FAR1: variants seen among roughly 807,000 people sequenced by gnomAD.
FAR1 encodes fatty acyl-CoA reductase 1.
Under a neutral mutation model 61.1 loss-of-function variants are expected in FAR1, and 22 were observed. The ratio of observed to expected loss-of-function variants is 0.36; its 90% CI spans 0.26 to 0.51. The LOEUF (loss-of-function observed/expected upper bound fraction) is 0.51. Among genes scored for constraint, FAR1 ranks in the 20% least tolerant of loss-of-function variants. The pLI is 0.95. For synonymous variants in FAR1, 206 were observed against 209.7 expected (o/e 0.98, Z 0.15); for missense variants, 359 against 626.9 (o/e 0.57, Z 4.56).
At chr11:13,727,730 A>C in intron 11 of FAR1, 47 bp downstream of exon 11, 2 of 1,532,834 alleles carry the variant, frequency 1.3e-6, no homozygotes, top group Non-Finnish European at 1.8e-6. Flanking sequence ...TCCTTATGAA[A>C]TATTCCACAA....
At position 13,694,962 on chromosome 11, in the gene FAR1, T is replaced by C. The variant is rs573784971; in HGVS notation, c.189+8T>C. ...GAAGTCCTTAGTGGCAAGGTAAGTATGGAAAATGAGCACTCAGAACAAAGA... is the reference window on the plus strand; with the variant it reads ...GAAGTCCTTAGTGGCAAGGTAAGTACGGAAAATGAGCACTCAGAACAAAGA... On this transcript the variant is annotated splice_region_variant and intron_variant, in intron 2 of 11. Transcript: ENST00000354817. 22 of 1,599,132 alleles carry C rather than the reference T, an allele frequency of 1.4e-5. No individual in the cohort carries two copies. The South Asian group carries it at 1.7e-4, about 12-fold the overall frequency.
intron 1 of FAR1, among the ~76,000 whole-genome samples, chr11:13,694,050 C>G (rs574479485): frequency 3.3e-5 from 5 of 152,202 alleles, no homozygotes; most frequent in Admixed American, 2.0e-4. Flanking sequence ...TGTGTTAGAG[C>G]TTTTTGTAGT....
intron 7 of FAR1, 150 bp downstream of exon 7, chr11:13,712,196 T>C (rs1848506743): frequency 1.7e-6 from 1 of 600,838 alleles, no homozygotes; most frequent in African/African-American, 1.9e-5. Context: ...GTTGGTATTA[T>C]CACAGACAAT....
chr11:13,675,053 C>CTTTT (rs10649288), intron 1 of FAR1, among the ~76,000 whole-genome samples: 7 of 144,130 alleles, frequency 4.9e-5, no homozygotes, highest in Admixed American at 1.4e-4. Flanking sequence ...AATCCCTAGA[C>CTTTT]TTTTTTTTTT....
At chr11:13,712,209 C>T (rs1848506845) in intron 7 of FAR1, among the ~76,000 whole-genome samples, 163 bp downstream of exon 7, 1 of 151,460 alleles carries the variant, frequency 6.6e-6, no homozygotes, top group Admixed American at 6.6e-5. Flanking sequence ...CAGACAATAG[C>T]AAGTGCTCCC....
intron 9 of FAR1, among the ~76,000 whole-genome samples, chr11:13,719,420 T>C (rs914920204): frequency 6.6e-6 from 1 of 152,224 alleles, no homozygotes; most frequent in African/African-American, 2.4e-5. Context: ...AGCACAGTAA[T>C]AGACTTTACA....
At chr11:13,710,051 G>T (rs1264801544) in intron 4 of FAR1, among the ~76,000 whole-genome samples, 1 of 152,020 alleles carries the variant, frequency 6.6e-6, no homozygotes, top group Non-Finnish European at 1.5e-5. Context: ...TTTATAGCAT[G>T]CTTCAATTTA....
chr11:13,729,033 G>C lies in FAR1; in HGVS notation c.*259G>C, dbSNP rs1848694171. 6 of 311,292 alleles carry C rather than the reference G, an allele frequency of 1.9e-5. No individual in the cohort carries two copies. In the South Asian group the frequency reaches 2.9e-4, roughly 15 times the overall value. 19.3% of individuals were successfully genotyped at this position (311,292 alleles called of 1,614,324 possible). A position where few individuals can be genotyped will look rare whatever the true frequency, so the allele number is the denominator to read the frequency against. On this transcript the variant is annotated 3_prime_UTR_variant, in exon 12 of 12. Transcript: ENST00000354817. ...ATATTTTGAGCCCTAGAAGAAAGGG[G>C]TGTGCTGAGGACAAGAGTGGGGAAA... is the stretch of plus-strand genomic sequence containing the variant.
Position 13,727,653 on chromosome 11 carries a change from G to A in FAR1, c.1355G>A (p.Gly452Asp). The A allele has an allele frequency of 1.9e-6, 3 of 1,609,318 alleles. No homozygotes were observed. Among genetic ancestry groups the A allele is most frequent in the Non-Finnish European group, 2.5e-6 (3 of 1,177,230 alleles). The part of the protein sequence containing the change: ...KKYVLNEEMS[G>D]LPAARKHLNK... ...TACGTATTGAATGAAGAAATGTCTGGCCTCCCTGCAGCCAGAAAACATCTG... is the reference window on the plus strand; with the variant it reads ...TACGTATTGAATGAAGAAATGTCTGACCTCCCTGCAGCCAGAAAACATCTG... The change falls in exon 11 of 12, where the codon GGC (glycine) becomes GAC (aspartate). Residue 452 changes from glycine to aspartate, a missense_variant. Coordinates refer to ENST00000354817, the MANE Select transcript of FAR1 (RefSeq NM_032228.6).
chr11:13,696,955 C>T (rs1848313379), intron 2 of FAR1, among the ~76,000 whole-genome samples: 1 of 152,188 alleles, frequency 6.6e-6, no homozygotes, highest in African/African-American at 2.4e-5. Flanking sequence ...ACATTTTGGG[C>T]TGGCTAGTTC....
intron 1 of FAR1, among the ~76,000 whole-genome samples, chr11:13,687,678 T>A (rs1390024490): frequency 1.2e-4 from 18 of 152,170 alleles, no homozygotes; most frequent in Admixed American, 1.2e-3. Flanking sequence ...CAAGAATACA[T>A]TTCTTTTCAA....
At chr11:13,699,896 A>G (rs762729759) in intron 2 of FAR1, among the ~76,000 whole-genome samples, 8 of 152,206 alleles carry the variant, frequency 5.3e-5, no homozygotes, top group Admixed American at 1.3e-4. Flanking sequence ...CTAAAAGGGA[A>G]TAAAATAAAA....
At chr11:13,672,445 A>C (rs1001681546) in intron 1 of FAR1, among the ~76,000 whole-genome samples, 2 of 151,430 alleles carry the variant, frequency 1.3e-5, no homozygotes, top group Admixed American at 1.3e-4. Context: ...AATCCCAGCT[A>C]CTTGGGGGGC....
chr11:13,669,742 C>T (rs1374500778), intron 1 of FAR1: 1 of 152,252 alleles, frequency 6.6e-6, no homozygotes, highest in East Asian at 1.9e-4. Context: ...CCTCCTCCTA[C>T]ACTCCACCCC....
chr11:13,677,144 T>G (rs962196168), intron 1 of FAR1, among the ~76,000 whole-genome samples: 2 of 152,224 alleles, frequency 1.3e-5, no homozygotes, highest in Admixed American at 6.5e-5. Context: ...GTAACTAGAT[T>G]ATTGGTAAAT....
chr11:13,693,266 C>T (rs1303217156), intron 1 of FAR1, among the ~76,000 whole-genome samples: 1 of 152,164 alleles, frequency 6.6e-6, no homozygotes, highest in Non-Finnish European at 1.5e-5. Flanking sequence ...CATTCAAAGC[C>T]ATCCTGGGCC....
chr11:13,679,851 A>G (rs1313168384), intron 1 of FAR1, among the ~76,000 whole-genome samples: 1 of 152,212 alleles, frequency 6.6e-6, no homozygotes, highest in African/African-American at 2.4e-5. Flanking sequence ...TGCCATGCTT[A>G]TGGAACAGCA....
chr11:13,716,386 T>C, intron 9 of FAR1, among the ~76,000 whole-genome samples: 1 of 152,208 alleles, frequency 6.6e-6, no homozygotes, highest in East Asian at 1.9e-4. Context: ...ATTATTTCTT[T>C]CAATTATTTC....
intron 8 of FAR1, 187 bp downstream of exon 8, chr11:13,713,220 A>T: frequency 1.7e-6 from 1 of 602,506 alleles, no homozygotes; most frequent in Non-Finnish European, 3.0e-6. Context: ...TCACAAATTT[A>T]AAAATATACT....
Sources: allele counts gnomAD v4.1 joint callset (sites outside exome capture counted in the v4.1 genomes callset), GRCh38; gene constraint gnomAD v4.1.1; transcripts MANE v1.5; gene names NCBI Gene and HGNC (gene_info 2026-07-23, HGNC 2026-07-21).